The following PAX3 variants were observed in gnomAD, a reference collection of about 807,000 sequenced individuals.
PAX3 encodes the protein paired box 3, also known as paired box protein Pax-3.
A neutral mutation model predicts 51.6 loss-of-function variants in PAX3; 14 were observed. That is an observed-to-expected ratio of 0.27 (90% confidence interval 0.18 to 0.42). The LOEUF is 0.42. PAX3 is among the 10% of genes least tolerant of loss of function. PAX3 has a pLI of 1.00. For missense variants in PAX3, 540 were observed against 642.8 expected (o/e 0.84, Z 1.73); for synonymous variants, 280 against 253.4 (o/e 1.11, Z -1.00).
chr2:222,289,131 A>G (rs974660997), intron 4 of PAX3, among the ~76,000 whole-genome samples: 2 of 152,226 alleles, frequency 1.3e-5, no homozygotes, highest in Non-Finnish European at 2.9e-5. Flanking sequence ...TTATATATGT[A>G]CATTCTAAAT....
intron 4 of PAX3, among the ~76,000 whole-genome samples, chr2:222,245,874 C>T (rs1364232389): frequency 2.0e-5 from 3 of 151,590 alleles, no homozygotes; most frequent in African/African-American, 4.8e-5. Flanking sequence ...CCACTTACTC[C>T]GGAGGCTAAA....
rs564651408 is a variant in PAX3 at position 222,284,455 on chromosome 2, A to G, written c.586+9712T>C. ...AACCTTTTAAGCTGGGAGGAAAAGT[A>G]ATTAAGAAGCATGTTTTGACATCTC... is the stretch of plus-strand genomic sequence containing the variant. On this transcript the variant is annotated intron_variant, in intron 4 of 8. Coordinates refer to ENST00000392070, the MANE Select transcript of PAX3 (RefSeq NM_181458.4). Among the ~76,000 whole-genome samples the G allele has an allele frequency of 1.0e-3, 160 of 152,384 alleles. 1 individual carries two copies. The highest frequency in any genetic ancestry group is 3.4e-3 in the African/African-American group (142 of 41,594).
At chr2:222,269,261 GA>G (rs1349150037) in intron 4 of PAX3, among the ~76,000 whole-genome samples, 2 of 152,150 alleles carry the variant, frequency 1.3e-5, no homozygotes, top group African/African-American at 2.4e-5. Flanking sequence ...AAACTGCCTT[GA>G]AAAGGCCTGT....
At chr2:222,241,874 A>C (rs1428169072) in intron 4 of PAX3, among the ~76,000 whole-genome samples, 1 of 152,234 alleles carries the variant, frequency 6.6e-6, no homozygotes, top group Non-Finnish European at 1.5e-5. Flanking sequence ...TAACTCTATG[A>C]AATAGGACAT....
At position 222,201,208 on chromosome 2, in the gene PAX3, T is replaced by C. The variant is rs368085346; in HGVS notation, c.*200A>G. ...CAGGTCTTCCTCTTCTCCACTGCTT[T>C]TGTCGAACGTGTTCAAAAGGATTTG... is the stretch of plus-strand genomic sequence containing the variant. On this transcript the variant is annotated 3_prime_UTR_variant, in exon 9 of 9. Coordinates refer to ENST00000392070, the MANE Select transcript of PAX3 (RefSeq NM_181458.4). 6.2e-7 allele frequency: 1 copy of C among 1,614,106 alleles called. No individual in the cohort carries two copies. The highest frequency in any genetic ancestry group is 8.5e-7 in the Non-Finnish European group (1 of 1,180,006).
chr2:222,219,259 A>G (rs891647041), intron 7 of PAX3, among the ~76,000 whole-genome samples: 1 of 152,118 alleles, frequency 6.6e-6, no homozygotes, highest in Non-Finnish European at 1.5e-5. Flanking sequence ...GGTTGAGAAC[A>G]GATAAAGCTG....
At chr2:222,273,493 G>A (rs1293473717) in intron 4 of PAX3, among the ~76,000 whole-genome samples, 2 of 152,286 alleles carry the variant, frequency 1.3e-5, no homozygotes, top group Non-Finnish European at 1.5e-5. Context: ...ACCTCTGGCT[G>A]CTTGTTGGAA....
intron 4 of PAX3, among the ~76,000 whole-genome samples, chr2:222,290,701 A>C (rs1694998240): frequency 6.6e-6 from 1 of 152,112 alleles, no homozygotes; most frequent in African/African-American, 2.4e-5. Context: ...ACTGTCCTCT[A>C]ATTCCATTAC....
At chr2:222,249,142 T>C (rs940325081) in intron 4 of PAX3, among the ~76,000 whole-genome samples, 2 of 152,178 alleles carry the variant, frequency 1.3e-5, no homozygotes, top group Non-Finnish European at 2.9e-5. Context: ...ACTGTTATTA[T>C]TACAGTAGAT....
Position 222,201,467 on chromosome 2 carries a change from T to A in PAX3, c.1421-25A>T, listed in dbSNP as rs766441968. On this transcript the variant is annotated intron_variant, in intron 8 of 8. Transcript: ENST00000392070. ...CCTGTAAGGAAACACACGCAGCTTTTTAGGTCATGCTGGGACAATTCACAG... is the reference window on the plus strand; with the variant it reads ...CCTGTAAGGAAACACACGCAGCTTTATAGGTCATGCTGGGACAATTCACAG... 11 of 1,614,018 alleles carry A rather than the reference T, an allele frequency of 6.8e-6. No homozygotes were observed. In the South Asian group the frequency reaches 1.2e-4, roughly 18 times the overall value.
At chr2:222,263,984 T>C (rs1290140460) in intron 4 of PAX3, 1 of 152,138 alleles carries the variant, frequency 6.6e-6, no homozygotes, top group African/African-American at 2.4e-5. Context: ...CTAAGAGCAG[T>C]AGAGAATACA....
intron 4 of PAX3, among the ~76,000 whole-genome samples, chr2:222,259,747 A>T (rs542901089): frequency 6.6e-6 from 1 of 152,362 alleles, no homozygotes; most frequent in East Asian, 1.9e-4. Context: ...TTTCTAACAG[A>T]CATAGATAAG....
At chr2:222,245,191 G>C (rs1314800189) in intron 4 of PAX3, among the ~76,000 whole-genome samples, 3 of 152,130 alleles carry the variant, frequency 2.0e-5, no homozygotes, top group Non-Finnish European at 4.4e-5. Flanking sequence ...AGGTAGCTAT[G>C]AAAGTAAATA....
chr2:222,281,173 G>A (rs1055602724), intron 4 of PAX3, among the ~76,000 whole-genome samples: 4 of 152,120 alleles, frequency 2.6e-5, no homozygotes, highest in South Asian at 4.2e-4. Context: ...CTAGTCCACC[G>A]GGGGCACCAT....
At position 222,237,991 on chromosome 2, in the gene PAX3, A is replaced by G. The variant is rs571078154; in HGVS notation, c.587-5708T>C. ...CCGAAGTATTTCAACTCTGTGCTTT[A>G]TAAGAAAGTTCGATCTCAAGCTAAT... On this transcript the variant is annotated intron_variant, in intron 4 of 8. Transcript: ENST00000392070. 2.1e-3 allele frequency among the ~76,000 whole-genome samples: 318 copies of G among 152,324 alleles called. 1 individual carries two copies. Among genetic ancestry groups the G allele is most frequent in the Non-Finnish European group, 2.8e-3 (191 of 68,030 alleles).
rs374695436 is a variant in PAX3 at position 222,291,166 on chromosome 2, C to T, written c.586+3001G>A. 9.9e-5 allele frequency among the ~76,000 whole-genome samples: 15 copies of T among 152,152 alleles called. No homozygotes were observed. The East Asian group carries it at 1.2e-3, about 12-fold the overall frequency. On this transcript the variant is annotated intron_variant, in intron 4 of 8. Transcript: ENST00000392070. ...CCGAGCCGGGGGAGGAACAGAGGCG[C>T]CCATTGAGCGGCCGCTGCGCAGGGC... is the stretch of plus-strand genomic sequence containing the variant.
intron 5 of PAX3, among the ~76,000 whole-genome samples, chr2:222,229,765 T>C (rs1692516848): frequency 6.6e-6 from 1 of 152,214 alleles, no homozygotes; most frequent in Non-Finnish European, 1.5e-5. Flanking sequence ...AGAAAGGTTA[T>C]CTTACGTGTA....
chr2:222,265,770 A>G (rs560384178), intron 4 of PAX3, among the ~76,000 whole-genome samples: 1 of 152,354 alleles, frequency 6.6e-6, no homozygotes, highest in Admixed American at 6.5e-5. Context: ...CAGACTTTTA[A>G]CAATTCCAGA....
intron 7 of PAX3, among the ~76,000 whole-genome samples, chr2:222,207,235 T>C (rs1257820199): frequency 6.6e-6 from 1 of 152,118 alleles, no homozygotes; most frequent in African/African-American, 2.4e-5. Context: ...AAACCTAAAT[T>C]TAAGGAGCAG....
Sources: gnomAD v4.1 joint callset for allele counts (sites outside exome capture counted in the v4.1 genomes callset) on GRCh38, gnomAD v4.1.1 for gene constraint, MANE v1.5 for transcripts, NCBI Gene and HGNC (gene_info 2026-07-23, HGNC 2026-07-21) for gene names.